Variants in EPHB4 observed in about 807,000 individuals in gnomAD.
EPHB4 encodes the protein EPH receptor B4.
In EPHB4, 50 loss-of-function variants were observed where a neutral mutation model predicts 110.6. That is an observed-to-expected ratio of 0.45 (90% confidence interval 0.36 to 0.57). The LOEUF (loss-of-function observed/expected upper bound fraction) is 0.57. EPHB4 is among the 20% of genes least tolerant of loss of function. EPHB4 has a pLI of 0.00. For synonymous variants in EPHB4, 592 were observed against 578.4 expected (o/e 1.02, Z -0.34); for missense variants, 1,128 against 1,382.1 (o/e 0.82, Z 2.91).
At position 100,823,632 on chromosome 7, in the gene EPHB4, G is replaced by C; in HGVS notation, c.411+12C>G. 6.2e-7 allele frequency: 1 copy of C among 1,608,694 alleles called. No individual in the cohort carries two copies. The highest frequency in any genetic ancestry group is 8.5e-7 in the Non-Finnish European group (1 of 1,176,740). On this transcript the variant is annotated intron_variant, in intron 3 of 16. Transcript: ENST00000358173. ...CCTTGGCTGTGGCTGAGCCCTGGGGGCACCCAGGTACCTTGATGTAGGGGT... is the reference window on the plus strand; with the variant it reads ...CCTTGGCTGTGGCTGAGCCCTGGGGCCACCCAGGTACCTTGATGTAGGGGT...
intron 1 of EPHB4, chr7:100,826,723 T>A (rs572306315): frequency 1.8e-4 from 73 of 413,752 alleles, no homozygotes; most frequent in African/African-American, 1.4e-3. Flanking sequence ...CAGTGAGAGT[T>A]CGGGGAGCCC....
chr7:100,826,797 ACTACCCGT>A (rs1255127998), intron 1 of EPHB4, 174 bp downstream of exon 1: 1 of 611,606 alleles, frequency 1.6e-6, no homozygotes, highest in Non-Finnish European at 2.7e-6. Flanking sequence ...AGAAAACTCC[ACTACCCGT>A]CGGGCGCCTC....
At position 100,822,469 on chromosome 7, in the gene EPHB4, G is replaced by A. The variant is rs1403594348; in HGVS notation, c.610C>T (p.Leu204=). 1.2e-6 allele frequency: 2 copies of A among 1,610,470 alleles called. No homozygotes were observed. Among genetic ancestry groups the A allele is most frequent in the African/African-American group, 1.3e-5 (1 of 74,896 alleles). Reference sequence around the variant, plus strand: ...GGCACAGTCTCCGGGAATCGAGTCAGGTTCACAGTCAGCTGGGCGCACTTT... The same window carrying A: ...GGCACAGTCTCCGGGAATCGAGTCAAGTTCACAGTCAGCTGGGCGCACTTT... ...YKKCAQLTVN[L]TRFPETVPRE... is the part of the protein sequence containing the mutation. Residue 204 remains leucine, a synonymous_variant, in exon 4 of 17, where the codon CTG becomes TTG. Coordinates refer to ENST00000358173, the MANE Select transcript of EPHB4 (RefSeq NM_004444.5). The surrounding 1 kb of genome is among the most constrained non-coding windows in gnomAD (Gnocchi z 4.7).
rs745315434 is a variant in EPHB4, at chr7:100,824,284, CAGAG to C, written c.53-15_53-12del. On this transcript the variant is annotated splice_polypyrimidine_tract_variant and intron_variant, in intron 1 of 16. Transcript: ENST00000358173. ...TGTTCAGCAGGGTCTCTGAGACAGACAGAGAGACAGAGTCAGTGCCTGGGGTGGG... is the reference window on the plus strand; with the variant it reads ...TGTTCAGCAGGGTCTCTGAGACAGACAGACAGAGTCAGTGCCTGGGGTGGG... 2 of 1,613,092 alleles carry C rather than the reference CAGAG, an allele frequency of 1.2e-6. No individual in the cohort carries two copies. The highest frequency in any genetic ancestry group is 8.5e-7 in the Non-Finnish European group (1 of 1,179,804).
In EPHB4 at chr7:100,803,389, G is replaced by A; in HGVS notation, c.*72C>T. 3 of 1,425,586 alleles carry A rather than the reference G, an allele frequency of 2.1e-6. No individual in the cohort carries two copies. Among genetic ancestry groups the A allele is most frequent in the South Asian group, 1.6e-5 (1 of 63,290 alleles). 88.3% of individuals were successfully genotyped at this position (1,425,586 alleles called of 1,614,324 possible). A position where few individuals can be genotyped will look rare whatever the true frequency, so the allele number is the denominator to read the frequency against. ...CAATCCAGCGGGGCACAGGGCTGGG[G>A]GCCTCTGTGAGTCCCCACTCTGCCC... On this transcript the variant is annotated 3_prime_UTR_variant, in exon 17 of 17. Coordinates refer to ENST00000358173, the MANE Select transcript of EPHB4 (RefSeq NM_004444.5).
At chr7:100,804,151 C>T (rs1812760876) in intron 16 of EPHB4, among the ~76,000 whole-genome samples, 2 of 152,084 alleles carry the variant, frequency 1.3e-5, no homozygotes, top group South Asian at 4.1e-4. Context: ...CACGCACCAC[C>T]ATGCCCAGCT....
At position 100,822,816 on chromosome 7, in the gene EPHB4, G is replaced by C. The variant is rs1436326807; in HGVS notation, c.412-149C>G. 3 of 1,252,096 alleles carry C rather than the reference G, an allele frequency of 2.4e-6. No individual in the cohort carries two copies. Among genetic ancestry groups the C allele is most frequent in the African/African-American group, 3.0e-5 (2 of 66,158 alleles). 77.6% of individuals were successfully genotyped at this position (1,252,096 alleles called of 1,614,324 possible). A position where few individuals can be genotyped will look rare whatever the true frequency, so the allele number is the denominator to read the frequency against. ...CCTTCCCCAGGGCACACTTTCTGCA[G>C]GCCCCCACACTGTCCATTCAGCCTT... is the stretch of plus-strand genomic sequence containing the variant. On this transcript the variant is annotated intron_variant, in intron 3 of 16. Transcript: ENST00000358173. The surrounding 1 kb of genome is among the most constrained non-coding windows in gnomAD (Gnocchi z 4.7).
At chr7:100,821,277 T>C (rs1283603245) in intron 4 of EPHB4, 1 of 151,756 alleles carries the variant, frequency 6.6e-6, no homozygotes, top group African/African-American at 2.4e-5. Flanking sequence ...ATTTTGTATT[T>C]TTAGTAGAGA....
intron 6 of EPHB4, among the ~76,000 whole-genome samples, chr7:100,818,978 G>A (rs1363570858): frequency 6.6e-6 from 1 of 152,116 alleles, no homozygotes; most frequent in Non-Finnish European, 1.5e-5. Context: ...TTCCTCTGCT[G>A]GCTACACTTG....
intron 12 of EPHB4, 41 bp from the exon 13 acceptor site, chr7:100,807,621 AC>A (rs1446119724): frequency 1.3e-6 from 2 of 1,570,644 alleles, no homozygotes; most frequent in Non-Finnish European, 1.7e-6. Flanking sequence ...AGGACAGCCC[AC>A]CCACCGTTCC....
Position 100,819,904 on chromosome 7 carries a change from G to A in EPHB4, c.965-15C>T. On this transcript the variant is annotated splice_polypyrimidine_tract_variant and intron_variant, in intron 5 of 16. Coordinates refer to ENST00000358173, the MANE Select transcript of EPHB4 (RefSeq NM_004444.5). ...CGAAGGAGGGGCTGCAGGAGACCAGGGAGTCAGGCAGAGGCCGACCTGCTC... is the reference window on the plus strand; with the variant it reads ...CGAAGGAGGGGCTGCAGGAGACCAGAGAGTCAGGCAGAGGCCGACCTGCTC... The A allele has an allele frequency of 1.3e-6, 2 of 1,537,542 alleles. No individual in the cohort carries two copies. The highest frequency in any genetic ancestry group is 1.8e-6 in the Non-Finnish European group (2 of 1,138,372).
intron 2 of EPHB4, 129 bp downstream of exon 2, chr7:100,824,074 G>A (rs1004184155): frequency 4.3e-5 from 65 of 1,526,836 alleles, no homozygotes; most frequent in Admixed American, 3.6e-4. Context: ...GGGCTCAGAC[G>A]ACACTGCTGG....
intron 1 of EPHB4, among the ~76,000 whole-genome samples, chr7:100,825,889 G>C (rs574115114): frequency 2.0e-5 from 3 of 152,062 alleles, no homozygotes; most frequent in Admixed American, 2.0e-4. Flanking sequence ...TCTTCCCCTC[G>C]TTCATGGTTT....
chr7:100,818,692 C>A lies in EPHB4; in HGVS notation c.1298-48G>T, dbSNP rs747743621. ...GAACCCTTGTGCATGGTAGCTCTGTCCCTTAACTTAAAAAAAATTTTTTTT... is the reference window on the plus strand; with the variant it reads ...GAACCCTTGTGCATGGTAGCTCTGTACCTTAACTTAAAAAAAATTTTTTTT... On this transcript the variant is annotated intron_variant, in intron 6 of 16. Coordinates refer to ENST00000358173, the MANE Select transcript of EPHB4 (RefSeq NM_004444.5). 4 of 1,555,762 alleles carry A rather than the reference C, an allele frequency of 2.6e-6. No individual in the cohort carries two copies. The Admixed American group carries it at 7.6e-5, about 30-fold the overall frequency.
rs1379953782 is a variant in EPHB4, at chr7:100,823,902, T to C, written c.153A>G (p.Glu51=). The C allele has an allele frequency of 6.2e-7, 1 of 1,601,282 alleles. No individual in the cohort carries two copies. Residue 51 remains glutamate, a synonymous_variant, in exon 3 of 17, where the codon GAA becomes GAG. Coordinates refer to ENST00000358173, the MANE Select transcript of EPHB4 (RefSeq NM_004444.5). ...CTTCGTAGGTGCGCACGCTGTGCTG[T>C]TCCTCATCCAGGCCGCTCAGTTCCT... ...QWEELSGLDE[E]QHSVRTYEVC... is the part of the protein sequence containing the mutation.
intron 8 of EPHB4, among the ~76,000 whole-genome samples, chr7:100,816,854 C>T (rs1207150848): frequency 1.3e-5 from 2 of 151,774 alleles, no homozygotes; most frequent in Non-Finnish European, 2.9e-5. Flanking sequence ...GAGGCCGAGG[C>T]GGGCGAATCA....
At position 100,805,326 on chromosome 7, in the gene EPHB4, G is replaced by A. The variant is rs758204384; in HGVS notation, c.2679-5C>T. 4.3e-6 allele frequency: 7 copies of A among 1,613,836 alleles called. No individual in the cohort carries two copies. The highest frequency in any genetic ancestry group is 2.2e-5 in the East Asian group (1 of 44,884). On this transcript the variant is annotated splice_region_variant and splice_polypyrimidine_tract_variant and intron_variant, in intron 15 of 16. Transcript: ENST00000358173. ...TCCAGGAGAGGGTGTGAGGCCCTAG[G>A]GGGCAAGGATGGGGAGGAATGCTGA...
chr7:100,813,398 C>T, intron 10 of EPHB4, 190 bp from the exon 11 acceptor site: 2 of 592,524 alleles, frequency 3.4e-6, no homozygotes, highest in Non-Finnish European at 5.7e-6. Flanking sequence ...TCACTGCAAT[C>T]TCCGCCTCCC....
At chr7:100,813,872 C>T in intron 9 of EPHB4, 47 bp downstream of exon 9, 1 of 1,609,776 alleles carries the variant, frequency 6.2e-7, no homozygotes, top group Non-Finnish European at 8.5e-7. Flanking sequence ...AGGCAGGTGG[C>T]CATCAACTGA....
Sources: gnomAD v4.1 joint callset for allele counts (sites outside exome capture counted in the v4.1 genomes callset) on GRCh38, gnomAD v4.1.1 for gene constraint, Gnocchi (gnomAD v3.1) non-coding constraint, MANE v1.5 for transcripts, NCBI Gene and HGNC (gene_info 2026-07-23, HGNC 2026-07-21) for gene names.